Variants in DLGAP2 observed in about 807,000 individuals in gnomAD.
DLGAP2 encodes the protein disks large-associated protein 2.
DLGAP2 carries 26 observed loss-of-function variants against 100.3 expected under a neutral mutation model. That is an observed-to-expected ratio of 0.26 (90% CI 0.19 to 0.36). DLGAP2 has a LOEUF of 0.36. DLGAP2 is among the 10% of genes least tolerant of loss of function. The pLI, the probability that DLGAP2 is intolerant of heterozygous loss-of-function variation, is 1.00. For missense variants in DLGAP2, 1,858 were observed against 1,453.2 expected (o/e 1.28, Z -4.53); for synonymous variants, 886 against 630.1 (o/e 1.41, Z -6.08).
At chr8:1,219,407 G>T (rs150593034) in intron 2 of DLGAP2, among the ~76,000 whole-genome samples, 16 of 152,278 alleles carry the variant, frequency 1.1e-4, no homozygotes, top group African/African-American at 3.8e-4. Flanking sequence ...ATGATTATGT[G>T]ATGAATCACA....
At chr8:837,134 C>T (rs900733687) in intron 1 of DLGAP2, among the ~76,000 whole-genome samples, 1 of 152,236 alleles carries the variant, frequency 6.6e-6, no homozygotes, top group Admixed American at 6.5e-5. Flanking sequence ...ATCTGTGACA[C>T]GTGGGTGGCA....
chr8:1,096,748 C>G lies in DLGAP2; in HGVS notation c.74-162103C>G, dbSNP rs530971679. 4.1e-3 allele frequency among the ~76,000 whole-genome samples: 578 copies of G among 140,356 alleles called. 18 individuals are homozygous for G. The highest frequency in any genetic ancestry group is 0.016 in the African/African-American group (549 of 34,922). The allele number at this position is 140,356 out of a possible 152,430, so 92.1% of individuals were successfully genotyped here. A position where few individuals can be genotyped will look rare whatever the true frequency, so the allele number is the denominator to read the frequency against. On this transcript the variant is annotated intron_variant, in intron 2 of 14. Transcript: ENST00000637795. Reference sequence around the variant, plus strand: ...GCTCCCTGCGCTCAGTACAGTGGAGCTGGGAGCCCGGGGCAGGCCTTCACC... The same window carrying G: ...GCTCCCTGCGCTCAGTACAGTGGAGGTGGGAGCCCGGGGCAGGCCTTCACC...
chr8:1,444,880 G>A (rs997415665), intron 3 of DLGAP2, among the ~76,000 whole-genome samples: 1 of 147,904 alleles, frequency 6.8e-6, no homozygotes, highest in Non-Finnish European at 1.5e-5. Context: ...TCCAATTCAG[G>A]CAATTCTACT....
chr8:1,240,093 C>T (rs1243186051), intron 2 of DLGAP2, among the ~76,000 whole-genome samples: 2 of 148,150 alleles, frequency 1.3e-5, no homozygotes, highest in African/African-American at 2.5e-5. Context: ...GTTTCTAGTT[C>T]TCTCACATGG....
At chr8:1,493,387 G>A (rs1014607397) in intron 3 of DLGAP2, among the ~76,000 whole-genome samples, 2 of 152,044 alleles carry the variant, frequency 1.3e-5, no homozygotes, top group South Asian at 2.1e-4. Context: ...GCTCTGAGAC[G>A]TGCCTCTGTG....
chr8:1,171,365 T>A (rs1797124467), intron 2 of DLGAP2, among the ~76,000 whole-genome samples: 1 of 152,156 alleles, frequency 6.6e-6, no homozygotes, highest in African/African-American at 2.4e-5. Flanking sequence ...TTCTGTTGAT[T>A]TGGGGTGGAG....
chr8:1,312,049 A>T (rs980276746), intron 3 of DLGAP2, among the ~76,000 whole-genome samples: 1 of 152,222 alleles, frequency 6.6e-6, no homozygotes, highest in Admixed American at 6.5e-5. Flanking sequence ...GATACCATCA[A>T]TCAACTGAAT....
At chr8:1,686,930 T>C (rs1288140253) in intron 12 of DLGAP2, among the ~76,000 whole-genome samples, 3 of 152,250 alleles carry the variant, frequency 2.0e-5, no homozygotes, top group Non-Finnish European at 2.9e-5. Context: ...CCAGTCATCC[T>C]GATTTGATCT....
At chr8:1,469,579 C>A (rs921135100) in intron 3 of DLGAP2, among the ~76,000 whole-genome samples, 1 of 152,176 alleles carries the variant, frequency 6.6e-6, no homozygotes, top group Non-Finnish European at 1.5e-5. Flanking sequence ...CTCAGAAGAA[C>A]CTCCCACGTA....
chr8:1,185,765 T>C (rs944842457), intron 2 of DLGAP2, among the ~76,000 whole-genome samples: 1 of 150,656 alleles, frequency 6.6e-6, no homozygotes, highest in African/African-American at 2.5e-5. Flanking sequence ...ATTCAGGAGA[T>C]CCAGTCAGCA....
At chr8:1,017,520 C>A (rs1296710173) in intron 2 of DLGAP2, among the ~76,000 whole-genome samples, 2 of 110,174 alleles carry the variant, frequency 1.8e-5, no homozygotes, top group East Asian at 2.3e-4. Flanking sequence ...AGGACAGACG[C>A]CTCCACTGTG....
intron 3 of DLGAP2, among the ~76,000 whole-genome samples, chr8:1,261,184 G>A (rs185698602): frequency 8.3e-4 from 126 of 151,466 alleles, no homozygotes; most frequent in African/African-American, 3.0e-3. Flanking sequence ...CAGACTGGGA[G>A]GGCAGGTCAG....
chr8:1,435,291 C>T (rs1797583541), intron 3 of DLGAP2, among the ~76,000 whole-genome samples: 1 of 152,154 alleles, frequency 6.6e-6, no homozygotes, highest in African/African-American at 2.4e-5. Flanking sequence ...AAGTGCCATC[C>T]ATCGGAAGCA....
At position 1,229,361 on chromosome 8, in the gene DLGAP2, C is replaced by CT. The variant is rs1214770102; in HGVS notation, c.74-29484dup. Among the ~76,000 whole-genome samples the CT allele has an allele frequency of 5.9e-5, 9 of 151,704 alleles. No homozygotes were observed. The South Asian group carries it at 1.9e-3, about 32-fold the overall frequency. On this transcript the variant is annotated intron_variant, in intron 2 of 14. Coordinates refer to ENST00000637795, the MANE Select transcript of DLGAP2 (RefSeq NM_001346810.2). ...AAGTATGAATCCATCTGTTCTGAAG[C>CT]TTTTTTAAGTTGGATTTTTATTACC...
At chr8:1,447,130 T>A (rs1159364630) in intron 3 of DLGAP2, among the ~76,000 whole-genome samples, 7 of 152,334 alleles carry the variant, frequency 4.6e-5, no homozygotes, top group Admixed American at 4.6e-4. Flanking sequence ...CAGCACTAGG[T>A]TGAATAGGAG....
At chr8:990,024 C>A (rs1254159663) in intron 2 of DLGAP2, among the ~76,000 whole-genome samples, 1 of 152,094 alleles carries the variant, frequency 6.6e-6, no homozygotes, top group Non-Finnish European at 1.5e-5. Context: ...ACCTCCTGGA[C>A]CACTGTGCCA....
intron 2 of DLGAP2, among the ~76,000 whole-genome samples, chr8:1,185,176 C>G (rs1430587546): frequency 6.6e-6 from 1 of 152,130 alleles, no homozygotes; most frequent in Non-Finnish European, 1.5e-5. Flanking sequence ...GAATGCTGTT[C>G]ATTTTTATTC....
chr8:1,677,094 G>A (rs113558248), intron 11 of DLGAP2, among the ~76,000 whole-genome samples: 1 of 152,130 alleles, frequency 6.6e-6, no homozygotes, highest in Non-Finnish European at 1.5e-5. Flanking sequence ...AAGGCAGGAC[G>A]ATCATTTTAG....
In DLGAP2 at chr8:752,855, C is replaced by A. The variant is rs565809411; in HGVS notation, c.18+15030C>A. Among the ~76,000 whole-genome samples, 67 of 152,232 alleles carry A rather than the reference C, an allele frequency of 4.4e-4. 2 individuals are homozygous for A. The South Asian group carries it at 0.014, about 31-fold the overall frequency. On this transcript the variant is annotated intron_variant, in intron 1 of 14. Coordinates refer to ENST00000637795, the MANE Select transcript of DLGAP2 (RefSeq NM_001346810.2). ...GGGCTCAGAGCCTCCCACTCCTGCC[C>A]CTCCAAGAAGGCGACCTCTGGGGTC...
Sources: allele counts gnomAD v4.1 joint callset (sites outside exome capture counted in the v4.1 genomes callset), GRCh38; gene constraint gnomAD v4.1.1; transcripts MANE v1.5; gene names NCBI Gene and HGNC (gene_info 2026-07-23, HGNC 2026-07-21).